RNF222: variants seen among roughly 807,000 people sequenced by gnomAD.
RNF222 encodes the protein RING finger protein LOC643904.
In RNF222, 14 loss-of-function variants were observed where a neutral mutation model predicts 10.8. The ratio of observed to expected loss-of-function variants is 1.30; its 90% CI spans 0.86 to 2.03. RNF222 has a LOEUF of 2.03. Ranked by LOEUF, RNF222 falls within the 30% of genes most tolerant of loss-of-function variation. The pLI is 0.00. For missense variants in RNF222, 298 were observed against 295.8 expected, an observed-to-expected ratio of 1.01 and a Z score of -0.06; for synonymous variants, 141 against 142.5, an observed-to-expected ratio of 0.99 and a Z score of 0.07.
chr17:8,392,029 G>C lies in RNF222; in HGVS notation c.*770C>G, dbSNP rs749198772. 8.5e-5 allele frequency: 13 copies of C among 152,296 alleles called. No homozygotes were observed. The highest frequency in any genetic ancestry group is 1.8e-4 in the Non-Finnish European group (12 of 68,136). 9.4% of individuals were successfully genotyped at this position (152,296 alleles called of 1,614,324 possible). On this transcript the variant is annotated 3_prime_UTR_variant, in exon 3 of 3. Transcript: ENST00000399398. This position sits in a 1 kb window ranked among gnomAD's most constrained non-coding sequence, Gnocchi z 4.3. ...TTCCCCTCCACTCCCTGCCACCCTT[G>C]AGAACCCCAGGACTCAAAGTTTGGA...
chr17:8,394,668 C>T (rs911480217), intron 1 of RNF222, among the ~76,000 whole-genome samples: 1 of 152,200 alleles, frequency 6.6e-6, no homozygotes, highest in Non-Finnish European at 1.5e-5. Flanking sequence ...GAACTCCTGA[C>T]CTCCGGTGAT....
intron 2 of RNF222, among the ~76,000 whole-genome samples, chr17:8,393,854 C>T (rs971015622): frequency 4.6e-5 from 7 of 152,110 alleles, no homozygotes; most frequent in Non-Finnish European, 8.8e-5. Context: ...GCTTCAGTGA[C>T]GGAAGTGAAG....
chr17:8,393,001 C>T lies in RNF222; in HGVS notation c.461G>A (p.Arg154His), dbSNP rs1247979744. Reference sequence around the variant, plus strand: ...CTGCTCCCCCAGGGGCATCCCGTGGCGGCTGATGACAAAGATCTGTGACTC... The same window carrying T: ...CTGCTCCCCCAGGGGCATCCCGTGGTGGCTGATGACAAAGATCTGTGACTC... ...PRESQIFVIS[R>H]HGMPLGEQDS... The change falls in exon 3 of 3, where the codon CGC becomes CAC. Residue 154 changes from arginine to histidine, a missense_variant. Arg to His is a conservative substitution (Grantham distance 29, BLOSUM62 0). Transcript: ENST00000399398. 1.3e-6 allele frequency: 2 copies of T among 1,502,042 alleles called. No homozygotes were observed. The highest frequency in any genetic ancestry group is 1.8e-6 in the Non-Finnish European group (2 of 1,131,290). The allele number at this position is 1,502,042 out of a possible 1,614,324, so 93.0% of individuals were successfully genotyped here.
In RNF222 at chr17:8,393,316, G is replaced by A; in HGVS notation, c.146C>T (p.Thr49Ile). Residue 49 changes from threonine (T) to isoleucine (I), a missense_variant, in exon 3 of 3, where the codon ACC becomes ATC. By Grantham distance (89) the Thr-to-Ile change is moderately conservative. Coordinates refer to ENST00000399398, the MANE Select transcript of RNF222 (RefSeq NM_001146684.3). The stretch of plus-strand genomic sequence containing the variant: ...CCTCTGGACCTGCCCATCCACGCGG[G>A]TGGACAGCAGGTACTTGACCAGGCA... ...HDCLVKYLLS[T>I]RVDGQVQRTL... 6.4e-7 allele frequency: 1 copy of A among 1,551,626 alleles called. No individual in the cohort carries two copies. The highest frequency in any genetic ancestry group is 8.7e-7 in the Non-Finnish European group (1 of 1,146,982).
chr17:8,392,628 G>A lies in RNF222; in HGVS notation c.*171C>T, dbSNP rs1388987708. On this transcript the variant is annotated 3_prime_UTR_variant, in exon 3 of 3. Coordinates refer to ENST00000399398, the MANE Select transcript of RNF222 (RefSeq NM_001146684.3). This position sits in a 1 kb window ranked among gnomAD's most constrained non-coding sequence, Gnocchi z 4.3. ...GCATGGAGTCAGCTCCAGCCTCTCT[G>A]TCGAGCGGAAGCCCCTGCGGGGGTC... The A allele has an allele frequency of 1.2e-5, 9 of 764,634 alleles. No individual in the cohort carries two copies. The highest frequency in any genetic ancestry group is 1.4e-5 in the Non-Finnish European group (7 of 495,034). The allele number at this position is 764,634 out of a possible 1,614,324, so 47.4% of individuals were successfully genotyped here. A position where few individuals can be genotyped will look rare whatever the true frequency, so the allele number is the denominator to read the frequency against.
rs1408073713 is a variant in RNF222 at position 8,391,945 on chromosome 17, C to A, written c.*854G>T. 2 of 152,292 alleles carry A rather than the reference C, an allele frequency of 1.3e-5. No homozygotes were observed. Among genetic ancestry groups the A allele is most frequent in the East Asian group, 1.9e-4 (1 of 5,196 alleles). 9.4% of individuals were successfully genotyped at this position (152,292 alleles called of 1,614,324 possible). ...GGACTAGCTGGGAGGGAGGCGGGAG[C>A]CCCCAGGGGTTCGTTTGCCCACATA... is the stretch of plus-strand genomic sequence containing the variant. On this transcript the variant is annotated 3_prime_UTR_variant, in exon 3 of 3. Transcript: ENST00000399398.
At chr17:8,396,009 G>A (rs1908026648) in intron 1 of RNF222, among the ~76,000 whole-genome samples, 1 of 152,176 alleles carries the variant, frequency 6.6e-6, no homozygotes, top group African/African-American at 2.4e-5. Context: ...AGTGGCCAAG[G>A]AAGTTCTTAT....
Position 8,392,815 on chromosome 17 carries a change from A to ACCAG in RNF222, c.643_646dup (p.Val216AlafsTer17). The ACCAG allele has an allele frequency of 6.5e-7, 1 of 1,531,726 alleles. No individual in the cohort carries two copies. Among genetic ancestry groups the ACCAG allele is most frequent in the Non-Finnish European group, 8.7e-7 (1 of 1,145,252 alleles). 94.9% of individuals were successfully genotyped at this position (1,531,726 alleles called of 1,614,324 possible). A position where few individuals can be genotyped will look rare whatever the true frequency, so the allele number is the denominator to read the frequency against. Reference sequence around the variant, plus strand: ...AGGTGCGGCTCACGCCTGCTTCCTCACCAGCAGCACCCAGGGCAGGATGGC... The same window carrying ACCAG: ...AGGTGCGGCTCACGCCTGCTTCCTCACCAGCCAGCAGCACCCAGGGCAGGATGGC... On this transcript the variant is annotated frameshift_variant, in exon 3 of 3. Coordinates refer to ENST00000399398, the MANE Select transcript of RNF222 (RefSeq NM_001146684.3). LOFTEE classifies it high-confidence loss of function. This position sits in a 1 kb window ranked among gnomAD's most constrained non-coding sequence, Gnocchi z 4.3.
chr17:8,397,217 C>G (rs930629271), intron 1 of RNF222, among the ~76,000 whole-genome samples: 3 of 152,154 alleles, frequency 2.0e-5, no homozygotes, highest in Non-Finnish European at 4.4e-5. Flanking sequence ...GAAGAAATAG[C>G]ACTGTTAGAA....
In RNF222 at chr17:8,392,101, G is replaced by C. The variant is rs77377013; in HGVS notation, c.*698C>G. On this transcript the variant is annotated 3_prime_UTR_variant, in exon 3 of 3. Coordinates refer to ENST00000399398, the MANE Select transcript of RNF222 (RefSeq NM_001146684.3). This position sits in a 1 kb window ranked among gnomAD's most constrained non-coding sequence, Gnocchi z 4.3. ...CTCAGGGAGACCTCTGGCTCCGTTC[G>C]TGGGGCACTCTGCTGGGGTGGCCTC... is the stretch of plus-strand genomic sequence containing the variant. The C allele has an allele frequency of 0.026, 3,991 of 152,392 alleles. 80 individuals carry two copies. The highest frequency in any genetic ancestry group is 0.066 in the East Asian group (344 of 5,176). The allele number at this position is 152,392 out of a possible 1,614,324, so 9.4% of individuals were successfully genotyped here.
At chr17:8,395,581 C>T (rs1391703996) in intron 1 of RNF222, among the ~76,000 whole-genome samples, 2 of 152,176 alleles carry the variant, frequency 1.3e-5, no homozygotes, top group Admixed American at 6.5e-5. Context: ...CAGCATTTGC[C>T]TTCCTTTCCT....
At chr17:8,397,354 C>T (rs1378189708) in intron 1 of RNF222, among the ~76,000 whole-genome samples, 1 of 152,116 alleles carries the variant, frequency 6.6e-6, no homozygotes, top group Non-Finnish European at 1.5e-5. Context: ...TGGGAAGCCC[C>T]AGTACTGAGC....
At chr17:8,396,675 G>C (rs1017561249) in intron 1 of RNF222, among the ~76,000 whole-genome samples, 2 of 152,068 alleles carry the variant, frequency 1.3e-5, no homozygotes, top group Admixed American at 1.3e-4. Flanking sequence ...CCGTGCTTCC[G>C]GAGAGCCACG....
At position 8,392,621 on chromosome 17, in the gene RNF222, C is replaced by A; in HGVS notation, c.*178G>T. On this transcript the variant is annotated 3_prime_UTR_variant, in exon 3 of 3. Transcript: ENST00000399398. This position sits in a 1 kb window ranked among gnomAD's most constrained non-coding sequence, Gnocchi z 4.3. ...GCCGCGCGCATGGAGTCAGCTCCAG[C>A]CTCTCTGTCGAGCGGAAGCCCCTGC... 2 of 720,188 alleles carry A rather than the reference C, an allele frequency of 2.8e-6. No homozygotes were observed. Among genetic ancestry groups the A allele is most frequent in the Non-Finnish European group, 4.4e-6 (2 of 454,792 alleles). 44.6% of individuals were successfully genotyped at this position (720,188 alleles called of 1,614,324 possible). A position where few individuals can be genotyped will look rare whatever the true frequency, so the allele number is the denominator to read the frequency against.
At chr17:8,397,027 T>A (rs1276340616) in intron 1 of RNF222, among the ~76,000 whole-genome samples, 1 of 152,048 alleles carries the variant, frequency 6.6e-6, no homozygotes, top group Non-Finnish European at 1.5e-5. Context: ...AATAAATAAT[T>A]ATTATTATTT....
intron 2 of RNF222, among the ~76,000 whole-genome samples, chr17:8,393,899 C>T (rs1015268673): frequency 1.3e-5 from 2 of 152,278 alleles, no homozygotes; most frequent in Admixed American, 6.5e-5. Flanking sequence ...AAGCAGGTGG[C>T]TAAGAAGATG....
At position 8,393,256 on chromosome 17, in the gene RNF222, A is replaced by G. The variant is rs774568205; in HGVS notation, c.206T>C (p.Phe69Ser). 3 of 1,551,270 alleles carry G rather than the reference A, an allele frequency of 1.9e-6. 1 individual carries two copies. The South Asian group carries it at 3.6e-5, about 18-fold the overall frequency. Reference sequence around the variant, plus strand: ...CCAGCGGGAGCTCTTCTTGCTGAGGAATGTGACGTAGCGGCAGATGGGGCA... The same window carrying G: ...CCAGCGGGAGCTCTTCTTGCTGAGGGATGTGACGTAGCGGCAGATGGGGCA... ...LVCPICRYVTFLSKKSSRWPS... is the reference protein window; with the variant it reads ...LVCPICRYVTSLSKKSSRWPS... Residue 69 changes from phenylalanine to serine, a missense_variant, in exon 3 of 3, where the codon TTC (phenylalanine) becomes TCC (serine). Phe to Ser is a radical substitution (Grantham distance 155, BLOSUM62 -2). Transcript: ENST00000399398.
intron 1 of RNF222, among the ~76,000 whole-genome samples, chr17:8,396,969 A>T (rs1908058443): frequency 6.6e-6 from 1 of 152,152 alleles, no homozygotes; most frequent in Admixed American, 6.5e-5. Flanking sequence ...AGGGGAGAGG[A>T]GGGCTGGAAA....
Position 8,393,179 on chromosome 17 carries a change from G to T in RNF222, c.283C>A (p.Pro95Thr), listed in dbSNP as rs1479701888. The stretch of plus-strand genomic sequence containing the variant: ...AGGCTGTCCAGTGGGGGCACGGAGG[G>T]CAGGCCCACGGGCACAGCCAGCGTC... ...SQTLAVPVGL[P>T]SVPPLDSLGH... The change falls in exon 3 of 3, where the codon CCC (proline) becomes ACC (threonine). Residue 95 changes from proline to threonine, a missense_variant. Coordinates refer to ENST00000399398, the MANE Select transcript of RNF222 (RefSeq NM_001146684.3). 1 of 1,550,396 alleles carries T rather than the reference G, an allele frequency of 6.4e-7. No individual in the cohort carries two copies. Among genetic ancestry groups the T allele is most frequent in the Non-Finnish European group, 8.7e-7 (1 of 1,146,894 alleles).
Sources: allele counts gnomAD v4.1 joint callset (sites outside exome capture counted in the v4.1 genomes callset), GRCh38; gene constraint gnomAD v4.1.1; non-coding constraint Gnocchi (gnomAD v3.1); transcripts MANE v1.5; gene names NCBI Gene and HGNC (gene_info 2026-07-23, HGNC 2026-07-21).